Variants in RASSF8 observed in about 807,000 individuals in gnomAD.
RASSF8 encodes ras association domain-containing protein 8.
RASSF8 carries 22 observed loss-of-function variants against 48.5 expected under a neutral mutation model. The ratio of observed to expected loss-of-function variants is 0.45; its 90% confidence interval spans 0.32 to 0.65. RASSF8 has a LOEUF of 0.65. Ranked by LOEUF, RASSF8 falls within the 30% of genes least tolerant of loss-of-function variation. The pLI is 0.03. For synonymous variants in RASSF8, 127 were observed against 171.5 expected (o/e 0.74, Z 2.03); for missense variants, 418 against 489.2 (o/e 0.85, Z 1.37).
rs888089114 is a variant in RASSF8, at chr12:26,071,833, A to G, written c.*3015A>G. 37 of 982,786 alleles carry G rather than the reference A, an allele frequency of 3.8e-5. No homozygotes were observed. The highest frequency in any genetic ancestry group is 1.8e-4 in the Admixed American group (3 of 16,264). The allele number at this position is 982,786 out of a possible 1,614,324, so 60.9% of individuals were successfully genotyped here. The stretch of plus-strand genomic sequence containing the variant: ...ATACAGTAAAAAAAAAATAGAATTT[A>G]TGGTGTGAAATATGAAGTATAGCAA... On this transcript the variant is annotated 3_prime_UTR_variant, in exon 6 of 6. Coordinates refer to ENST00000689635, the MANE Select transcript of RASSF8 (RefSeq NM_001394098.1).
chr12:25,978,060 A>C (rs1356228878), intron 1 of RASSF8, among the ~76,000 whole-genome samples: 1 of 152,178 alleles, frequency 6.6e-6, no homozygotes, highest in Non-Finnish European at 1.5e-5. Context: ...CCACTTGCTT[A>C]TCTGTGCTGA....
intron 2 of RASSF8, among the ~76,000 whole-genome samples, chr12:26,004,318 A>G (rs1456897320): frequency 6.6e-6 from 1 of 152,238 alleles, no homozygotes; most frequent in Non-Finnish European, 1.5e-5. Flanking sequence ...ATTTATGCCT[A>G]CATTGTCAGT....
chr12:26,052,216 G>A (rs924067822), intron 2 of RASSF8, among the ~76,000 whole-genome samples: 2 of 152,146 alleles, frequency 1.3e-5, no homozygotes, highest in East Asian at 3.8e-4. Flanking sequence ...CACAAATATG[G>A]AATCTGCAAA....
intron 1 of RASSF8, among the ~76,000 whole-genome samples, chr12:25,960,170 T>G (rs1941196636): frequency 6.6e-6 from 1 of 152,206 alleles, no homozygotes; most frequent in South Asian, 2.1e-4. Flanking sequence ...AAAATATGTA[T>G]AAATCTCTGC....
At chr12:25,990,385 G>T (rs189709289) in intron 1 of RASSF8, among the ~76,000 whole-genome samples, 1 of 152,196 alleles carries the variant, frequency 6.6e-6, no homozygotes, top group African/African-American at 2.4e-5. Context: ...TGTAGTTAGT[G>T]GAATGAAACC....
downstream of RASSF8, among the ~76,000 whole-genome samples, chr12:26,075,124 T>C (rs187089356): frequency 3.9e-4 from 59 of 152,250 alleles, no homozygotes; most frequent in African/African-American, 1.4e-3. Flanking sequence ...CAAATTTTTA[T>C]TGGGCACCTT....
chr12:26,065,567 G>T (rs1943855083), intron 4 of RASSF8, among the ~76,000 whole-genome samples, 180 bp downstream of exon 4: 1 of 152,214 alleles, frequency 6.6e-6, no homozygotes, highest in Non-Finnish European at 1.5e-5. Context: ...TAGCCTTGCG[G>T]ATCCTTCTCC....
At chr12:26,023,389 T>C (rs1421485087) in intron 2 of RASSF8, among the ~76,000 whole-genome samples, 1 of 152,118 alleles carries the variant, frequency 6.6e-6, no homozygotes, top group South Asian at 2.1e-4. Flanking sequence ...AAAGCAGCAA[T>C]AGAAAAGTGT....
At chr12:25,981,411 C>T (rs1242814649) in intron 1 of RASSF8, among the ~76,000 whole-genome samples, 1 of 152,162 alleles carries the variant, frequency 6.6e-6, no homozygotes, top group Non-Finnish European at 1.5e-5. Context: ...CTCTGTCTGG[C>T]CTGCATTCCA....
intron 2 of RASSF8, among the ~76,000 whole-genome samples, chr12:26,049,757 A>T (rs1943450550): frequency 6.6e-6 from 1 of 152,214 alleles, no homozygotes; most frequent in South Asian, 2.1e-4. Flanking sequence ...ATTCATTTGA[A>T]AAGTTTATCC....
chr12:25,976,237 A>C, intron 1 of RASSF8, among the ~76,000 whole-genome samples: 1 of 152,192 alleles, frequency 6.6e-6, no homozygotes, highest in East Asian at 1.9e-4. Context: ...CCGCTTAAGG[A>C]ACAAGAGGAC....
chr12:26,072,816 G>A lies in RASSF8; in HGVS notation c.*3998G>A. The A allele has an allele frequency of 1.1e-6, 1 of 914,724 alleles. No homozygotes were observed. The highest frequency in any genetic ancestry group is 1.3e-6 in the Non-Finnish European group (1 of 765,822). 56.7% of individuals were successfully genotyped at this position (914,724 alleles called of 1,614,324 possible). On this transcript the variant is annotated 3_prime_UTR_variant, in exon 6 of 6. Transcript: ENST00000689635. ...TGATCATTATGAGCTGTAAAACAAA[G>A]AATCAATATTGGATATTCTCCCAAA...
intron 2 of RASSF8, among the ~76,000 whole-genome samples, chr12:25,997,365 C>T (rs1175857711): frequency 6.6e-6 from 1 of 152,116 alleles, no homozygotes; most frequent in African/African-American, 2.4e-5. Context: ...ATTTTCCATA[C>T]TTTCTGGAAT....
chr12:26,030,855 CTGT>C (rs1943015864), intron 2 of RASSF8, among the ~76,000 whole-genome samples: 1 of 152,142 alleles, frequency 6.6e-6, no homozygotes. Flanking sequence ...AATATGGTCC[CTGT>C]TGTTACTACT....
intron 2 of RASSF8, among the ~76,000 whole-genome samples, chr12:26,005,088 T>A (rs1942355832): frequency 6.6e-6 from 1 of 152,196 alleles, no homozygotes; most frequent in African/African-American, 2.4e-5. Context: ...CATTAGCAGT[T>A]TCTTGGGTTT....
downstream of RASSF8, among the ~76,000 whole-genome samples, chr12:26,075,275 T>G (rs1268049842): frequency 6.6e-6 from 1 of 152,210 alleles, no homozygotes; most frequent in Non-Finnish European, 1.5e-5. Flanking sequence ...CAGTGAGTAG[T>G]CACAGATAAT....
intron 2 of RASSF8, among the ~76,000 whole-genome samples, chr12:26,030,418 T>C (rs1943004712): frequency 6.6e-6 from 1 of 152,226 alleles, no homozygotes; most frequent in Non-Finnish European, 1.5e-5. Context: ...TCAATGAAAG[T>C]TCTGCAGGGC....
At chr12:26,055,664 A>G (rs1943586729) in intron 3 of RASSF8, among the ~76,000 whole-genome samples, 1 of 152,120 alleles carries the variant, frequency 6.6e-6, no homozygotes, top group Admixed American at 6.6e-5. Flanking sequence ...CTGAGTTAAC[A>G]TCTACACTGC....
At chr12:26,046,824 T>C (rs1943382414) in intron 2 of RASSF8, among the ~76,000 whole-genome samples, 1 of 152,172 alleles carries the variant, frequency 6.6e-6, no homozygotes, top group African/African-American at 2.4e-5. Context: ...AGGAGAAATA[T>C]CACAGATATA....
Sources: gnomAD v4.1 joint callset for allele counts (sites outside exome capture counted in the v4.1 genomes callset) on GRCh38, gnomAD v4.1.1 for gene constraint, MANE v1.5 for transcripts, NCBI Gene and HGNC (gene_info 2026-07-23, HGNC 2026-07-21) for gene names.